The following MGAM variants were observed in gnomAD, a reference collection of about 807,000 sequenced individuals.
MGAM encodes the protein maltase-glucoamylase.
MGAM carries 253 observed loss-of-function variants against 358.8 expected under a neutral mutation model. That is an observed-to-expected ratio of 0.71 (90% CI 0.64 to 0.78). The LOEUF (loss-of-function observed/expected upper bound fraction) is 0.78, where lower values mean the gene tolerates loss of function less well. Among genes scored for constraint, MGAM ranks in the 30% least tolerant of loss-of-function variants. The pLI, the probability that MGAM is intolerant of heterozygous loss-of-function variation, is 0.00. For synonymous variants in MGAM, 1,105 were observed against 1,227.1 expected, an observed-to-expected ratio of 0.90 and a Z score of 2.08; for missense variants, 3,080 against 3,432.6, an observed-to-expected ratio of 0.90 and a Z score of 2.57.
At position 142,093,254 on chromosome 7, in the gene MGAM, C is replaced by T. The variant is rs953799055; in HGVS notation, c.7034-158C>T. On this transcript the variant is annotated intron_variant, in intron 59 of 70. Transcript: ENST00000475668. Reference sequence around the variant, plus strand: ...AAACACTGGAGCCGCCGTTGCAGCTCAGAGCTGGGGGCGCTGTGCTCATGT... The same window carrying T: ...AAACACTGGAGCCGCCGTTGCAGCTTAGAGCTGGGGGCGCTGTGCTCATGT... 8.9e-5 allele frequency among the ~76,000 whole-genome samples: 13 copies of T among 146,528 alleles called. 4 individuals carry two copies. Among genetic ancestry groups the T allele is most frequent in the Non-Finnish European group, 2.0e-4 (13 of 64,730 alleles).
chr7:142,045,223 A>AAAAT (rs1563156974), intron 21 of MGAM, among the ~76,000 whole-genome samples: 2 of 80,566 alleles, frequency 2.5e-5, no homozygotes, highest in East Asian at 6.9e-4. Flanking sequence ...ATATGTATAT[A>AAAAT]ATATATATTA....
chr7:142,063,647 G>T (rs1191863622), intron 36 of MGAM, 61 bp downstream of exon 36: 1 of 1,568,480 alleles, frequency 6.4e-7, no homozygotes, highest in African/African-American at 1.4e-5. Context: ...CACTGGAGGA[G>T]CCCGAGGCCA....
chr7:142,003,906 A>C (rs1414100816), intron 1 of MGAM, among the ~76,000 whole-genome samples: 1 of 152,074 alleles, frequency 6.6e-6, no homozygotes, highest in Non-Finnish European at 1.5e-5. Flanking sequence ...TTTCCAAAAA[A>C]AAGGCATACA....
chr7:142,040,631 G>A, intron 20 of MGAM, 91 bp from the exon 21 acceptor site: 2 of 1,485,850 alleles, frequency 1.3e-6, no homozygotes, highest in Non-Finnish European at 1.8e-6. Context: ...ATTGGAAAAG[G>A]GAGAGAGCTG....
At chr7:142,102,414 T>C (rs752761740) in intron 68 of MGAM, among the ~76,000 whole-genome samples, 3 of 152,200 alleles carry the variant, frequency 2.0e-5, no homozygotes, top group Non-Finnish European at 4.4e-5. Context: ...TTCAAGCATT[T>C]TGTGTAAACT....
chr7:142,026,781 T>C (rs1403372825), intron 8 of MGAM, among the ~76,000 whole-genome samples: 1 of 152,232 alleles, frequency 6.6e-6, no homozygotes, highest in East Asian at 1.9e-4. Flanking sequence ...TAAATGCCTT[T>C]GGTCCAAAAT....
rs763211623 is a variant in MGAM at position 142,052,442 on chromosome 7, GGGAGGTAACCA to G, written c.2955_2958+7del. 23 of 1,613,124 alleles carry G rather than the reference GGGAGGTAACCA, an allele frequency of 1.4e-5. No homozygotes were observed. The Middle Eastern group carries it at 1.9e-3, about 130-fold the overall frequency. ...AACTGCACTGCCCGTGGCTGTATCT[GGGAGGTAACCA>G]TGCTGATGGGGTTTGTGTGCATGAG... On this transcript the variant is annotated splice_donor_variant and splice_donor_5th_base_variant and coding_sequence_variant and intron_variant, in exon 25 of 71. Transcript: ENST00000475668. LOFTEE classifies it high-confidence loss of function.
In MGAM at chr7:142,093,543, A is replaced by G. The variant is rs753167278; in HGVS notation, c.7165A>G (p.Thr2389Ala). 2.1e-5 allele frequency: 31 copies of G among 1,499,992 alleles called. 4 individuals are homozygous for G. The highest frequency in any genetic ancestry group is 2.6e-5 in the Non-Finnish European group (29 of 1,103,668). 92.9% of individuals were successfully genotyped at this position (1,499,992 alleles called of 1,614,324 possible). Residue 2389 changes from threonine to alanine, a missense_variant, in exon 60 of 71, where the codon ACA (threonine) becomes GCA (alanine). By Grantham distance (58) the Thr-to-Ala change is moderately conservative. Transcript: ENST00000475668. ...NLYGWSQTRP[T>A]YEAVQEVTGQ... ...GTACGGGTGGTCCCAGACCAGACCC[A>G]CATACGAGTGAGTCTCTGTCTCCCT...
In MGAM at chr7:142,047,774, G is replaced by A. The variant is rs1810524755; in HGVS notation, c.2499-11G>A. ...CTCCTGTCTTTGTGTCTTGAATCTTGTTCCCCACAGTCGAAAGAACCCTCT... is the reference window on the plus strand; with the variant it reads ...CTCCTGTCTTTGTGTCTTGAATCTTATTCCCCACAGTCGAAAGAACCCTCT... On this transcript the variant is annotated splice_polypyrimidine_tract_variant and intron_variant, in intron 21 of 70. Coordinates refer to ENST00000475668, the MANE Select transcript of MGAM (RefSeq NM_001365693.1). 1 of 1,607,584 alleles carries A rather than the reference G, an allele frequency of 6.2e-7. No homozygotes were observed. Among genetic ancestry groups the A allele is most frequent in the African/African-American group, 1.3e-5 (1 of 74,774 alleles).
rs1244075350 is a variant in MGAM, at chr7:142,045,353, A to G, written c.2499-2432A>G. Reference sequence around the variant, plus strand: ...ATAATATATATTATATGTCCCTATAATACATGATATATAATATATATTATA... The same window carrying G: ...ATAATATATATTATATGTCCCTATAGTACATGATATATAATATATATTATA... On this transcript the variant is annotated intron_variant, in intron 21 of 70. Transcript: ENST00000475668. Among the ~76,000 whole-genome samples the G allele has an allele frequency of 7.3e-5, 7 of 96,068 alleles. No homozygotes were observed. The East Asian group carries it at 2.0e-3, about 28-fold the overall frequency. 63.0% of individuals were successfully genotyped at this position (96,068 alleles called of 152,430 possible).
rs1554468861 is a variant in MGAM at position 142,041,938 on chromosome 7, TTA to T, written c.2498+1101_2498+1102del. Among the ~76,000 whole-genome samples, 181 of 18,220 alleles carry T rather than the reference TTA, an allele frequency of 9.9e-3. 8 individuals are homozygous for T. Among genetic ancestry groups the T allele is most frequent in the African/African-American group, 0.027 (168 of 6,160 alleles). 12.0% of individuals were successfully genotyped at this position (18,220 alleles called of 152,430 possible). A position where few individuals can be genotyped will look rare whatever the true frequency, so the allele number is the denominator to read the frequency against. On this transcript the variant is annotated intron_variant, in intron 21 of 70. Transcript: ENST00000475668. ...ATACGTATAATATATAATATATATA[TTA>T]TATATATACATATATATAATATATA... is the stretch of plus-strand genomic sequence containing the variant.
chr7:142,086,009 G>T, intron 55 of MGAM, 48 bp downstream of exon 55: 1 of 1,539,418 alleles, frequency 6.5e-7, no homozygotes, highest in Non-Finnish European at 8.9e-7. Flanking sequence ...GCAGGTATGG[G>T]TTTTGTTGGA....
At chr7:142,082,860 T>C (rs1027185670) in intron 52 of MGAM, among the ~76,000 whole-genome samples, 1 of 145,818 alleles carries the variant, frequency 6.9e-6, no homozygotes, top group African/African-American at 2.4e-5. Context: ...GTTATAAAAT[T>C]TGAATTAGGG....
intron 2 of MGAM, 59 bp from the exon 3 acceptor site, chr7:142,008,447 T>C (rs1554453173): frequency 6.6e-7 from 1 of 1,520,404 alleles, no homozygotes; most frequent in South Asian, 1.3e-5. Context: ...TTGAGAACTA[T>C]TGAATGTCTG....
intron 18 of MGAM, 113 bp from the exon 19 acceptor site, chr7:142,038,418 G>A: frequency 1.3e-6 from 1 of 765,042 alleles, no homozygotes; most frequent in East Asian, 2.7e-5. Context: ...AATTTGGGGG[G>A]TTTGCCTGGG....
chr7:141,989,654 C>G (rs1206588581), intron 2 of MGAM, among the ~76,000 whole-genome samples: 8 of 151,674 alleles, frequency 5.3e-5, no homozygotes, highest in East Asian at 3.9e-4. Flanking sequence ...CTCCTGGGCT[C>G]AAGTGATCCT....
At chr7:142,033,445 G>A (rs782498885) in intron 14 of MGAM, among the ~76,000 whole-genome samples, 1 of 152,074 alleles carries the variant, frequency 6.6e-6, no homozygotes, top group Non-Finnish European at 1.5e-5. Flanking sequence ...TCATAGCATC[G>A]GCCATAGTTT....
In MGAM at chr7:142,065,705, C is replaced by T; in HGVS notation, c.4654-10C>T. 1.2e-6 allele frequency: 2 copies of T among 1,600,896 alleles called. No individual in the cohort carries two copies. The highest frequency in any genetic ancestry group is 1.7e-5 in the Admixed American group (1 of 59,396). On this transcript the variant is annotated splice_polypyrimidine_tract_variant and intron_variant, in intron 39 of 70. Coordinates refer to ENST00000475668, the MANE Select transcript of MGAM (RefSeq NM_001365693.1). ...CATCAGCAGGCTCCTTTTATTTCCTCTTGTTTCAGACGGGAGCAGATATCT... is the reference window on the plus strand; with the variant it reads ...CATCAGCAGGCTCCTTTTATTTCCTTTTGTTTCAGACGGGAGCAGATATCT...
At chr7:142,080,187 T>C (rs966616340) in intron 49 of MGAM, among the ~76,000 whole-genome samples, 2 of 146,470 alleles carry the variant, frequency 1.4e-5, no homozygotes, top group Non-Finnish European at 1.5e-5. Context: ...TTCTCTAGAG[T>C]CTCACAGCAC....
Sources: allele counts gnomAD v4.1 joint callset (sites outside exome capture counted in the v4.1 genomes callset), GRCh38; gene constraint gnomAD v4.1.1; transcripts MANE v1.5; gene names NCBI Gene and HGNC (gene_info 2026-07-23, HGNC 2026-07-21).